The following ANKRD11 variants were observed in gnomAD, a reference collection of about 807,000 sequenced individuals.
ANKRD11 encodes ankyrin repeat domain 11, also known as ankyrin repeat domain-containing protein 11.
Under a neutral mutation model 195.7 loss-of-function variants are expected in ANKRD11, and 17 were observed. The observed-to-expected ratio is 0.09, with a 90% CI of 0.06 to 0.13. The LOEUF (loss-of-function observed/expected upper bound fraction) is 0.13. ANKRD11 is among the 10% of genes least tolerant of loss of function. The pLI is 1.00. For synonymous variants in ANKRD11, 1,953 were observed against 1,528.1 expected (o/e 1.28, Z -6.49); for missense variants, 3,735 against 3,566.1 (o/e 1.05, Z -1.21).
At chr16:89,435,265 C>T (rs917146916) in intron 1 of ANKRD11, among the ~76,000 whole-genome samples, 1 of 152,138 alleles carries the variant, frequency 6.6e-6, no homozygotes, top group Non-Finnish European at 1.5e-5. Context: ...CCAATCAGCA[C>T]TCTGTAAAAT....
At chr16:89,272,494 G>GA (rs1237908524) in intron 11 of ANKRD11, 1 of 152,210 alleles carries the variant, frequency 6.6e-6, no homozygotes, top group African/African-American at 2.4e-5. Flanking sequence ...CTGAGGTCAA[G>GA]AGTTTCAGAC....
intron 7 of ANKRD11, chr16:89,286,908 C>T (rs998058580): frequency 7.8e-7 from 1 of 1,289,418 alleles, no homozygotes; most frequent in African/African-American, 1.5e-5. Context: ...TTCAAAGAAT[C>T]TGTCATAACG....
At chr16:89,365,354 G>A (rs1468511325) in intron 2 of ANKRD11, among the ~76,000 whole-genome samples, 3 of 152,184 alleles carry the variant, frequency 2.0e-5, no homozygotes, top group African/African-American at 7.2e-5. Flanking sequence ...TAAAGAGCAT[G>A]AGGCCAAATC....
intron 1 of ANKRD11, among the ~76,000 whole-genome samples, chr16:89,487,030 A>T (rs531853995): frequency 2.3e-4 from 35 of 152,292 alleles, no homozygotes; most frequent in Non-Finnish European, 3.4e-4. Flanking sequence ...AAAGAAAAAA[A>T]CAATTTCAAA....
At chr16:89,466,310 G>C (rs975053782) in intron 1 of ANKRD11, among the ~76,000 whole-genome samples, 1 of 152,138 alleles carries the variant, frequency 6.6e-6, no homozygotes. Context: ...AATCCAGAGA[G>C]ATAGAAAAGA....
chr16:89,301,522 G>T lies in ANKRD11; in HGVS notation c.226+3684C>A, dbSNP rs1597531642. On this transcript the variant is annotated intron_variant, in intron 4 of 12. Coordinates refer to ENST00000301030, the MANE Select transcript of ANKRD11 (RefSeq NM_013275.6). ...GTCCCAGGGCAAGCTGGTCTGAGAG[G>T]GCTCGGTGGGCAGAGCTGTCTTGGG... is the stretch of plus-strand genomic sequence containing the variant. The T allele has an allele frequency of 1.3e-5, 5 of 398,916 alleles. No individual in the cohort carries two copies. In the East Asian group the frequency reaches 1.8e-4, roughly 14 times the overall value. The allele number at this position is 398,916 out of a possible 1,614,324, so 24.7% of individuals were successfully genotyped here.
chr16:89,385,354 C>T (rs1166646258), intron 2 of ANKRD11, among the ~76,000 whole-genome samples: 2 of 151,650 alleles, frequency 1.3e-5, no homozygotes, highest in African/African-American at 2.4e-5. Flanking sequence ...GTCTCGAACT[C>T]CTGACCTCAG....
chr16:89,331,618 G>C (rs1555544913), intron 2 of ANKRD11, among the ~76,000 whole-genome samples: 3 of 152,036 alleles, frequency 2.0e-5, no homozygotes, highest in Non-Finnish European at 1.5e-5. Context: ...TCAGGAGATA[G>C]AGATTTATAG....
In ANKRD11 at chr16:89,291,548, G is replaced by T. The variant is rs1276880155; in HGVS notation, c.227-365C>A. On this transcript the variant is annotated intron_variant, in intron 4 of 12. Transcript: ENST00000301030. The surrounding 1 kb of genome is among the most constrained non-coding windows in gnomAD (Gnocchi z 5.3). ...CCGGTGACCTGGCTCACACAGGACA[G>T]GTCTCTGTTCAATACACGTGTCTGT... 3 of 714,348 alleles carry T rather than the reference G, an allele frequency of 4.2e-6. No individual in the cohort carries two copies. Among genetic ancestry groups the T allele is most frequent in the Non-Finnish European group, 6.6e-6 (3 of 454,306 alleles). 44.3% of individuals were successfully genotyped at this position (714,348 alleles called of 1,614,324 possible). A position where few individuals can be genotyped will look rare whatever the true frequency, so the allele number is the denominator to read the frequency against.
intron 1 of ANKRD11, among the ~76,000 whole-genome samples, chr16:89,458,462 G>C (rs1027132427): frequency 2.0e-5 from 3 of 152,114 alleles, no homozygotes; most frequent in African/African-American, 7.2e-5. Flanking sequence ...CTGACCTCGT[G>C]ATCCGCCCAT....
At chr16:89,395,213 T>G (rs2041373377) in intron 2 of ANKRD11, among the ~76,000 whole-genome samples, 1 of 152,216 alleles carries the variant, frequency 6.6e-6, no homozygotes, top group Admixed American at 6.5e-5. Flanking sequence ...GGCAGCGTCT[T>G]AACAGAAAGA....
chr16:89,402,638 G>T (rs961497824), intron 2 of ANKRD11, among the ~76,000 whole-genome samples: 1 of 150,636 alleles, frequency 6.6e-6, no homozygotes, highest in African/African-American at 2.4e-5. Context: ...GCTGTGGGTG[G>T]GGGGGGCAGC....
At chr16:89,340,380 C>T (rs1332705153) in intron 2 of ANKRD11, among the ~76,000 whole-genome samples, 1 of 152,200 alleles carries the variant, frequency 6.6e-6, no homozygotes, top group Non-Finnish European at 1.5e-5. Context: ...CGGGTTCAAG[C>T]GGTTCTCCTG....
chr16:89,457,644 C>G (rs2056496609), intron 1 of ANKRD11, among the ~76,000 whole-genome samples: 1 of 150,234 alleles, frequency 6.7e-6, no homozygotes, highest in Non-Finnish European at 1.5e-5. Context: ...ATAAGCAAAA[C>G]TAATCCACAA....
At chr16:89,318,956 A>G (rs939706629) in intron 2 of ANKRD11, among the ~76,000 whole-genome samples, 5 of 152,166 alleles carry the variant, frequency 3.3e-5, no homozygotes, top group Non-Finnish European at 7.3e-5. Context: ...TTTCCACCAC[A>G]AAACCGGAAT....
intron 2 of ANKRD11, among the ~76,000 whole-genome samples, chr16:89,346,187 G>A (rs2038930020): frequency 6.9e-6 from 1 of 145,376 alleles, no homozygotes; most frequent in South Asian, 2.3e-4. Flanking sequence ...AGGTGAGGTT[G>A]TAATGAGCCA....
At chr16:89,399,003 T>C (rs960655017) in intron 2 of ANKRD11, among the ~76,000 whole-genome samples, 3 of 152,134 alleles carry the variant, frequency 2.0e-5, no homozygotes, top group Admixed American at 6.5e-5. Flanking sequence ...TTTTTTAAAA[T>C]TGTTAACAAG....
At chr16:89,408,070 C>CA (rs1232948517) in intron 2 of ANKRD11, among the ~76,000 whole-genome samples, 1 of 152,136 alleles carries the variant, frequency 6.6e-6, no homozygotes, top group Non-Finnish European at 1.5e-5. Flanking sequence ...GTCCCAGACT[C>CA]AAACAGGAAG....
At chr16:89,295,711 C>A (rs900149178) in intron 4 of ANKRD11, among the ~76,000 whole-genome samples, 1 of 151,972 alleles carries the variant, frequency 6.6e-6, no homozygotes, top group South Asian at 2.1e-4. Flanking sequence ...GGCGGTGGCA[C>A]CTGGCTCTGT....
Sources: gnomAD v4.1 joint callset for allele counts (sites outside exome capture counted in the v4.1 genomes callset) on GRCh38, gnomAD v4.1.1 for gene constraint, Gnocchi (gnomAD v3.1) non-coding constraint, MANE v1.5 for transcripts, NCBI Gene and HGNC (gene_info 2026-07-23, HGNC 2026-07-21) for gene names.